The following CSMD3 variants were observed in gnomAD, a reference collection of about 807,000 sequenced individuals.
CSMD3 encodes CUB and Sushi multiple domains 3.
CSMD3 carries 177 observed loss-of-function variants against 435.2 expected under a neutral mutation model. That is an observed-to-expected ratio of 0.41 (90% confidence interval 0.36 to 0.46). CSMD3 has a LOEUF of 0.46. CSMD3 is among the 20% of genes least tolerant of loss of function. The pLI is 0.34. For synonymous variants in CSMD3, 1,656 were observed against 1,520.5 expected, an observed-to-expected ratio of 1.09 and a Z score of -2.07; for missense variants, 4,265 against 4,504.6, an observed-to-expected ratio of 0.95 and a Z score of 1.52.
intron 37 of CSMD3, among the ~76,000 whole-genome samples, chr8:112,381,451 G>A (rs559468133): frequency 1.2e-4 from 19 of 152,136 alleles, no homozygotes; most frequent in Non-Finnish European, 2.8e-4. Context: ...GTTTCAAATG[G>A]CAAGCATGAA....
chr8:112,339,605 C>A (rs1824905305), intron 42 of CSMD3, among the ~76,000 whole-genome samples: 2 of 152,248 alleles, frequency 1.3e-5, no homozygotes, highest in South Asian at 4.1e-4. Flanking sequence ...AACTTGCAGT[C>A]ACAATCTTGT....
At chr8:113,176,714 C>T (rs1470726969) in intron 3 of CSMD3, among the ~76,000 whole-genome samples, 3 of 151,434 alleles carry the variant, frequency 2.0e-5, no homozygotes, top group African/African-American at 4.9e-5. Flanking sequence ...AAAATGAGAA[C>T]ACATGGACAC....
chr8:112,912,065 T>C (rs555395762), intron 10 of CSMD3, among the ~76,000 whole-genome samples: 7 of 149,100 alleles, frequency 4.7e-5, no homozygotes, highest in African/African-American at 1.7e-4. Flanking sequence ...TATTTGATTT[T>C]TTTAAGATCA....
chr8:112,608,952 TAAAAC>T (rs1345120976), intron 22 of CSMD3, among the ~76,000 whole-genome samples: 2 of 151,560 alleles, frequency 1.3e-5, no homozygotes, highest in East Asian at 3.9e-4. Context: ...ATTTTTTGGA[TAAAAC>T]ACAAAAATGC....
intron 1 of CSMD3, among the ~76,000 whole-genome samples, chr8:113,422,011 G>C (rs2094611261): frequency 6.6e-6 from 1 of 152,130 alleles, no homozygotes; most frequent in South Asian, 2.1e-4. Context: ...CAAGAGCTCA[G>C]AGGAAATTTC....
chr8:112,316,769 A>G (rs1384433237), intron 47 of CSMD3, among the ~76,000 whole-genome samples: 1 of 151,930 alleles, frequency 6.6e-6, no homozygotes, highest in Non-Finnish European at 1.5e-5. Flanking sequence ...TTAAACCAGA[A>G]AATGTAAGCA....
chr8:112,912,618 CAT>C (rs2082456314), intron 10 of CSMD3, among the ~76,000 whole-genome samples: 1 of 151,752 alleles, frequency 6.6e-6, no homozygotes, highest in Admixed American at 6.6e-5. Context: ...ATTTAAAAAA[CAT>C]AGAGAAAACT....
At chr8:112,291,793 A>C (rs1819787215) in intron 55 of CSMD3, 98 bp from the exon 56 acceptor site, 1 of 779,478 alleles carries the variant, frequency 1.3e-6, no homozygotes, top group East Asian at 2.7e-5. Flanking sequence ...TTCAAAAGTA[A>C]ATTTATTCAA....
chr8:113,374,537 A>G (rs768512980), intron 1 of CSMD3, among the ~76,000 whole-genome samples: 20 of 152,098 alleles, frequency 1.3e-4, no homozygotes, highest in Non-Finnish European at 2.5e-4. Flanking sequence ...AATATTTAAT[A>G]AATGTGAATA....
chr8:113,058,091 T>C (rs1307236732), intron 5 of CSMD3, among the ~76,000 whole-genome samples: 1 of 151,906 alleles, frequency 6.6e-6, no homozygotes, highest in Non-Finnish European at 1.5e-5. Flanking sequence ...TAAGAAAATA[T>C]GTTTATATGG....
At chr8:113,071,348 T>G (rs1348710516) in intron 5 of CSMD3, among the ~76,000 whole-genome samples, 1 of 151,912 alleles carries the variant, frequency 6.6e-6, no homozygotes, top group Non-Finnish European at 1.5e-5. Context: ...TCCCAATTGT[T>G]TATTTTTGCC....
chr8:113,403,875 A>G (rs997575697), intron 1 of CSMD3, among the ~76,000 whole-genome samples: 2 of 151,438 alleles, frequency 1.3e-5, no homozygotes, highest in Non-Finnish European at 3.0e-5. Flanking sequence ...TTGATGTTTC[A>G]TGTATGGCCA....
At chr8:112,481,565 T>C (rs1819624137) in intron 31 of CSMD3, among the ~76,000 whole-genome samples, 1 of 152,190 alleles carries the variant, frequency 6.6e-6, no homozygotes, top group Admixed American at 6.5e-5. Flanking sequence ...CTGTGACTCT[T>C]TCAGTTTGAA....
chr8:113,322,200 T>C (rs978507545), intron 1 of CSMD3, among the ~76,000 whole-genome samples: 8 of 152,160 alleles, frequency 5.3e-5, no homozygotes, highest in African/African-American at 1.9e-4. Flanking sequence ...CGCCTCAGAT[T>C]TGTGTAATTT....
chr8:113,057,589 G>A (rs1209821233), intron 5 of CSMD3, among the ~76,000 whole-genome samples: 2 of 151,630 alleles, frequency 1.3e-5, no homozygotes, highest in Non-Finnish European at 2.9e-5. Flanking sequence ...CCATTATCCA[G>A]AACACAAATT....
chr8:113,018,440 T>A (rs1054475401), intron 6 of CSMD3, among the ~76,000 whole-genome samples: 3 of 152,032 alleles, frequency 2.0e-5, no homozygotes, highest in Non-Finnish European at 4.4e-5. Context: ...GCTGATACAC[T>A]ACTGAGAATG....
intron 38 of CSMD3, among the ~76,000 whole-genome samples, chr8:112,372,840 CTA>C (rs1057419967): frequency 1.1e-4 from 16 of 150,680 alleles, no homozygotes; most frequent in African/African-American, 2.9e-4. Flanking sequence ...CAGAGCGAGA[CTA>C]TGTCTCCAAA....
intron 4 of CSMD3, among the ~76,000 whole-genome samples, chr8:113,167,751 A>G (rs566270358): frequency 1.3e-5 from 2 of 152,330 alleles, no homozygotes; most frequent in South Asian, 2.1e-4. Flanking sequence ...TAATTCCATT[A>G]CCAAACAATT....
At chr8:112,253,055 C>T (rs1466728110) in intron 63 of CSMD3, among the ~76,000 whole-genome samples, 1 of 151,752 alleles carries the variant, frequency 6.6e-6, no homozygotes, top group Non-Finnish European at 1.5e-5. Context: ...ATAATATTTA[C>T]TAAAAAAACT....
Sources: gnomAD v4.1 joint callset for allele counts (sites outside exome capture counted in the v4.1 genomes callset) on GRCh38, gnomAD v4.1.1 for gene constraint, MANE v1.5 for transcripts, NCBI Gene and HGNC (gene_info 2026-07-23, HGNC 2026-07-21) for gene names.